Variants in HELZ observed in about 807,000 individuals in gnomAD.
The protein encoded by HELZ is helicase with zinc finger, also known as ATP-dependent RNA helicase with zinc finger domain.
Under a neutral mutation model 218.2 loss-of-function variants are expected in HELZ, and 23 were observed. That is an observed-to-expected ratio of 0.11 (90% CI 0.08 to 0.15). The LOEUF (loss-of-function observed/expected upper bound fraction) is 0.15. HELZ is among the 10% of genes least tolerant of loss of function. HELZ has a pLI of 1.00. For synonymous variants in HELZ, 814 were observed against 829.4 expected (o/e 0.98, Z 0.32); for missense variants, 1,813 against 2,353.7 (o/e 0.77, Z 4.75).
At chr17:67,136,338 A>C (rs539981664) in intron 22 of HELZ, 140 bp from the exon 23 acceptor site, 1 of 633,400 alleles carries the variant, frequency 1.6e-6, no homozygotes, top group African/African-American at 1.8e-5. Context: ...ACCCTTATGC[A>C]CTGCTGGTGA....
rs1945464916 is a variant in HELZ, at chr17:67,073,096, A to G, written c.*5156T>C. ...AAAACAGGACAGATCTGTAAATAGT[A>G]CTATGTGACTTCTACTCTGTGTTGC... On this transcript the variant is annotated 3_prime_UTR_variant, in exon 33 of 33. Transcript: ENST00000358691. The G allele has an allele frequency of 6.6e-6, 1 of 152,224 alleles. No individual in the cohort carries two copies. Among genetic ancestry groups the G allele is most frequent in the South Asian group, 2.1e-4 (1 of 4,830 alleles). The allele number at this position is 152,224 out of a possible 1,614,324, so 9.4% of individuals were successfully genotyped here.
chr17:67,222,643 G>A (rs1347594577), intron 3 of HELZ, among the ~76,000 whole-genome samples: 1 of 152,170 alleles, frequency 6.6e-6, no homozygotes, highest in African/African-American at 2.4e-5. Flanking sequence ...CCGTTCAGCT[G>A]TTTTGTCGAG....
At chr17:67,240,564 T>C (rs938881738) in intron 2 of HELZ, among the ~76,000 whole-genome samples, 7 of 152,140 alleles carry the variant, frequency 4.6e-5, no homozygotes, top group African/African-American at 1.7e-4. Context: ...ACAACAAAGA[T>C]AATTTCTGCA....
chr17:67,120,960 T>C (rs1379978282), intron 26 of HELZ, among the ~76,000 whole-genome samples: 1 of 152,182 alleles, frequency 6.6e-6, no homozygotes, highest in Non-Finnish European at 1.5e-5. Flanking sequence ...ACATGTCAGA[T>C]TACCATAAAA....
chr17:67,114,829 C>T (rs1358868046), intron 27 of HELZ, among the ~76,000 whole-genome samples: 2 of 152,052 alleles, frequency 1.3e-5, no homozygotes, highest in East Asian at 3.8e-4. Context: ...GTAAAGGAAT[C>T]TAAACATAAT....
At chr17:67,202,356 C>T (rs1049096607) in intron 6 of HELZ, among the ~76,000 whole-genome samples, 3 of 152,126 alleles carry the variant, frequency 2.0e-5, no homozygotes, top group Admixed American at 6.5e-5. Context: ...CTTCTGAGCA[C>T]AGTGGCACAT....
intron 17 of HELZ, 40 bp downstream of exon 17, chr17:67,160,221 A>G (rs373183548): frequency 1.5e-5 from 18 of 1,176,300 alleles, no homozygotes; most frequent in Non-Finnish European, 2.1e-5. Context: ...AAGAATAATA[A>G]AGTATGATAC....
At chr17:67,149,816 C>T (rs1310205684) in intron 19 of HELZ, 51 bp downstream of exon 19, 1 of 1,036,772 alleles carries the variant, frequency 9.6e-7, no homozygotes, top group African/African-American at 1.6e-5. Context: ...TATTAAACAT[C>T]AAAATATAAT....
chr17:67,097,023 C>T (rs925324654), intron 31 of HELZ, among the ~76,000 whole-genome samples: 1 of 152,110 alleles, frequency 6.6e-6, no homozygotes, highest in Non-Finnish European at 1.5e-5. Flanking sequence ...GCAACTTGTC[C>T]TTTTACTTAA....
At chr17:67,083,364 G>A (rs142954231) in intron 32 of HELZ, among the ~76,000 whole-genome samples, 4 of 152,118 alleles carry the variant, frequency 2.6e-5, no homozygotes, top group Non-Finnish European at 4.4e-5. Flanking sequence ...TATCTCAGCC[G>A]GGCACAGTGG....
chr17:67,212,963 A>T (rs1164353940), intron 5 of HELZ, among the ~76,000 whole-genome samples: 1 of 152,246 alleles, frequency 6.6e-6, no homozygotes, highest in Admixed American at 6.5e-5. Context: ...TATCTTAGGC[A>T]TCGGTTAAAC....
At chr17:67,134,585 T>C (rs948226739) in intron 23 of HELZ, among the ~76,000 whole-genome samples, 3 of 152,172 alleles carry the variant, frequency 2.0e-5, no homozygotes, top group Non-Finnish European at 4.4e-5. Flanking sequence ...ATTCCTTTGA[T>C]GATAGCTTTC....
intron 31 of HELZ, among the ~76,000 whole-genome samples, chr17:67,099,881 T>G (rs962946376): frequency 1.4e-5 from 2 of 145,456 alleles, no homozygotes; most frequent in African/African-American, 4.9e-5. Context: ...TTAATTAAAA[T>G]AGAACATCTC....
In HELZ at chr17:67,071,925, T is replaced by C. The variant is rs1044552913; in HGVS notation, c.*6327A>G. The C allele has an allele frequency of 3.3e-5, 5 of 152,566 alleles. No homozygotes were observed. Among genetic ancestry groups the C allele is most frequent in the African/African-American group, 4.8e-5 (2 of 41,404 alleles). 9.5% of individuals were successfully genotyped at this position (152,566 alleles called of 1,614,324 possible). A position where few individuals can be genotyped will look rare whatever the true frequency, so the allele number is the denominator to read the frequency against. On this transcript the variant is annotated 3_prime_UTR_variant, in exon 33 of 33. Coordinates refer to ENST00000358691, the MANE Select transcript of HELZ (RefSeq NM_014877.4). Reference sequence around the variant, plus strand: ...ACTTCAGGCTCTCTCTAACACCTGCTGGCATGGCAGAGAATCTAAAATAAC... The same window carrying C: ...ACTTCAGGCTCTCTCTAACACCTGCCGGCATGGCAGAGAATCTAAAATAAC...
intron 13 of HELZ, among the ~76,000 whole-genome samples, chr17:67,172,334 G>C (rs1299408976): frequency 6.6e-6 from 1 of 152,130 alleles, no homozygotes; most frequent in African/African-American, 2.4e-5. Context: ...CTGTATTTAT[G>C]AGTCTGCCTC....
intron 3 of HELZ, among the ~76,000 whole-genome samples, chr17:67,226,526 C>T (rs1277224455): frequency 2.6e-5 from 4 of 152,010 alleles, no homozygotes. Context: ...TAACTGGAAC[C>T]CTCATACATG....
Position 67,108,743 on chromosome 17 carries a change from GA to G in HELZ, c.4490-18del. 6.5e-7 allele frequency: 1 copy of G among 1,529,966 alleles called. No individual in the cohort carries two copies. The highest frequency in any genetic ancestry group is 8.8e-7 in the Non-Finnish European group (1 of 1,132,608). The allele number at this position is 1,529,966 out of a possible 1,614,324, so 94.8% of individuals were successfully genotyped here. A position where few individuals can be genotyped will look rare whatever the true frequency, so the allele number is the denominator to read the frequency against. ...GTATACGATCTGCAAAAATATTTGTGAAAAATTTTTTATGAATTTGGGGTTT... is the reference window on the plus strand; with the variant it reads ...GTATACGATCTGCAAAAATATTTGTGAAAATTTTTTATGAATTTGGGGTTT... On this transcript the variant is annotated intron_variant, in intron 29 of 32. Transcript: ENST00000358691. This position sits in a 1 kb window ranked among gnomAD's most constrained non-coding sequence, Gnocchi z 4.1.
At chr17:67,180,109 T>C (rs2039565892) in intron 12 of HELZ, among the ~76,000 whole-genome samples, 1 of 152,154 alleles carries the variant, frequency 6.6e-6, no homozygotes, top group Admixed American at 6.5e-5. Flanking sequence ...CCAGTTTTAT[T>C]TCTCAAAGGG....
chr17:67,103,867 A>T (rs2037006311), intron 31 of HELZ, among the ~76,000 whole-genome samples: 1 of 152,232 alleles, frequency 6.6e-6, no homozygotes, highest in Non-Finnish European at 1.5e-5. Flanking sequence ...ACAGTGTACA[A>T]TACAGTGTGG....
Sources: allele counts gnomAD v4.1 joint callset (sites outside exome capture counted in the v4.1 genomes callset), GRCh38; gene constraint gnomAD v4.1.1; non-coding constraint Gnocchi (gnomAD v3.1); transcripts MANE v1.5; gene names NCBI Gene and HGNC (gene_info 2026-07-23, HGNC 2026-07-21).